The following SUPT20HL2 variants were observed in gnomAD, a reference collection of about 807,000 sequenced individuals.
SUPT20HL2 encodes the protein transcription factor SPT20 homolog-like 2.
For synonymous variants in SUPT20HL2, 125 were observed against 51.6 expected (o/e 2.42, Z -6.10); for missense variants, 288 against 127.4 (o/e 2.26, Z -6.07).
Position 24,311,034 on chromosome X carries a change from T to A in SUPT20HL2, c.2282A>T (p.Gln761Leu), listed in dbSNP as rs1314651470. ...GAGCTGGATCTGCTGTGGCTGTGGTTGTGGCTGCAGCAGCAGCAGCGGCTG... is the reference window on the plus strand; with the variant it reads ...GAGCTGGATCTGCTGTGGCTGTGGTAGTGGCTGCAGCAGCAGCAGCGGCTG... The part of the protein sequence containing the change: ...QPQPLLLLQP[Q>L]PQPQQIQLQT... Residue 761 changes from glutamine to leucine, a missense_variant, in exon 1 of 1, where the codon CAA (glutamine) becomes CTA (leucine). Physicochemically the swap from Gln to Leu is moderately radical, Grantham distance 113. Transcript: ENST00000486479. The A allele has an allele frequency of 7.9e-6, 3 of 380,043 alleles. No individual in the cohort carries two copies. Among genetic ancestry groups the A allele is most frequent in the Non-Finnish European group, 1.6e-5 (3 of 189,635 alleles). The allele number at this position is 380,043 out of a possible 1,213,427, so 31.3% of individuals were successfully genotyped here. A position where few individuals can be genotyped will look rare whatever the true frequency, so the allele number is the denominator to read the frequency against.
Position 24,309,677 on chromosome X carries a change from TAA to T in SUPT20HL2, c.*1183_*1184del, listed in dbSNP as rs1262391597. 5.6e-5 allele frequency among the ~76,000 whole-genome samples: 1 copy of T among 17,919 alleles called. No homozygotes were observed. Among genetic ancestry groups the T allele is most frequent in the Non-Finnish European group, 1.1e-4 (1 of 8,941 alleles). The allele number at this position is 17,919 out of a possible 115,157, so 15.6% of individuals were successfully genotyped here. ...ATGTACCCTAAAACTTAGAGTATAA[TAA>T]AAAAAAAAAAATTAAAAAAAAAAAT... is the stretch of plus-strand genomic sequence containing the variant. On this transcript the variant is annotated 3_prime_UTR_variant, in exon 1 of 1. Transcript: ENST00000486479.
rs376466613 is a variant in SUPT20HL2 at position 24,312,701 on chromosome X, A to T, written c.615T>A (p.Ala205=). 6.9e-4 allele frequency: 264 copies of T among 385,182 alleles called. No individual in the cohort carries two copies. Among genetic ancestry groups the T allele is most frequent in the Non-Finnish European group, 6.3e-4 (121 of 192,350 alleles). 31.7% of individuals were successfully genotyped at this position (385,182 alleles called of 1,213,427 possible). ...PLESQLILAT[A]EPLCLDPSVA... is the part of the protein sequence containing the mutation. ...CAGAAGGATCAAGACACAGTGGTTC[A>T]GCTGTCGCTAAGATCAGTTGACTCT... Residue 205 remains alanine, a synonymous_variant, in exon 1 of 1, where the codon GCT becomes GCA. Coordinates refer to ENST00000486479, the MANE Select transcript of SUPT20HL2 (RefSeq NM_001136233.3).
Position 24,308,415 on chromosome X carries a change from C to A in SUPT20HL2, c.*2447G>T. 3.1e-6 allele frequency: 1 copy of A among 323,766 alleles called. No individual in the cohort carries two copies. The highest frequency in any genetic ancestry group is 6.1e-6 in the Non-Finnish European group (1 of 165,276). 26.7% of individuals were successfully genotyped at this position (323,766 alleles called of 1,213,427 possible). A position where few individuals can be genotyped will look rare whatever the true frequency, so the allele number is the denominator to read the frequency against. Reference sequence around the variant, plus strand: ...GCATAAACTCTTCTCTACAACTGGTCATTGCACTCGTTCGCCTCTTAAAAG... The same window carrying A: ...GCATAAACTCTTCTCTACAACTGGTAATTGCACTCGTTCGCCTCTTAAAAG... On this transcript the variant is annotated 3_prime_UTR_variant, in exon 1 of 1. Transcript: ENST00000486479.
rs941066055 is a variant in SUPT20HL2, at chrX:24,310,153, A to G, written c.*709T>C. Among the ~76,000 whole-genome samples, 4 of 111,844 alleles carry G rather than the reference A, an allele frequency of 3.6e-5. No individual in the cohort carries two copies. The highest frequency in any genetic ancestry group is 1.3e-4 in the African/African-American group (4 of 30,737). ...CACATCACATGAGACAGCAGGGATA[A>G]ATCATGAGGACATTATGCCAAGTGA... On this transcript the variant is annotated 3_prime_UTR_variant, in exon 1 of 1. Transcript: ENST00000486479.
rs1157065397 is a variant in SUPT20HL2, at chrX:24,309,705, T to TAAAAAAAAAAAAA, written c.*1156_*1157insTTTTTTTTTTTTT. 2.8e-4 allele frequency among the ~76,000 whole-genome samples: 5 copies of TAAAAAAAAAAAAA among 18,036 alleles called. No homozygotes were observed. The highest frequency in any genetic ancestry group is 3.6e-4 in the Non-Finnish European group (4 of 11,150). The allele number at this position is 18,036 out of a possible 115,157, so 15.7% of individuals were successfully genotyped here. A position where few individuals can be genotyped will look rare whatever the true frequency, so the allele number is the denominator to read the frequency against. On this transcript the variant is annotated 3_prime_UTR_variant, in exon 1 of 1. Coordinates refer to ENST00000486479, the MANE Select transcript of SUPT20HL2 (RefSeq NM_001136233.3). The stretch of plus-strand genomic sequence containing the variant: ...AAAAAAAAAAATTAAAAAAAAAAAT[T>TAAAAAAAAAAAAA]AAAAAAAAAAAGAAAAAAATAATAA...
chrX:24,308,370 T>C lies in SUPT20HL2; in HGVS notation c.*2492A>G. ...TGGTGACATACTGAATTCAGGTCAC[T>C]GCTTAGCTCCGAAGGCCATGCATAA... On this transcript the variant is annotated 3_prime_UTR_variant, in exon 1 of 1. Coordinates refer to ENST00000486479, the MANE Select transcript of SUPT20HL2 (RefSeq NM_001136233.3). 1 of 368,020 alleles carries C rather than the reference T, an allele frequency of 2.7e-6. No homozygotes were observed. Among genetic ancestry groups the C allele is most frequent in the East Asian group, 7.5e-5 (1 of 13,270 alleles). The allele number at this position is 368,020 out of a possible 1,213,427, so 30.3% of individuals were successfully genotyped here. A position where few individuals can be genotyped will look rare whatever the true frequency, so the allele number is the denominator to read the frequency against.
In SUPT20HL2 at chrX:24,312,746, C is replaced by T. The variant is rs772053329; in HGVS notation, c.570G>A (p.Gln190=). The T allele has an allele frequency of 2.6e-6, 1 of 387,215 alleles. No individual in the cohort carries two copies. The highest frequency in any genetic ancestry group is 2.3e-5 in the South Asian group (1 of 42,819). The allele number at this position is 387,215 out of a possible 1,213,427, so 31.9% of individuals were successfully genotyped here. A position where few individuals can be genotyped will look rare whatever the true frequency, so the allele number is the denominator to read the frequency against. The change falls in exon 1 of 1, where the codon CAG becomes CAA. Residue 190 remains glutamine (Q), a synonymous_variant. Transcript: ENST00000486479. ...GACTCTCAAGAGGAAATTTGTCTTCCTGGCTCCATTTCTCGCCATCTCTTG... is the reference window on the plus strand; with the variant it reads ...GACTCTCAAGAGGAAATTTGTCTTCTTGGCTCCATTTCTCGCCATCTCTTG... ...TMTRDGEKWS[Q]EDKFPLESQL...
rs1939096366 is a variant in SUPT20HL2, at chrX:24,309,705, T to TAAAAAAAAAAG, written c.*1156_*1157insCTTTTTTTTTT. On this transcript the variant is annotated 3_prime_UTR_variant, in exon 1 of 1. Transcript: ENST00000486479. ...AAAAAAAAAAATTAAAAAAAAAAAT[T>TAAAAAAAAAAG]AAAAAAAAAAAGAAAAAAATAATAA... is the stretch of plus-strand genomic sequence containing the variant. Among the ~76,000 whole-genome samples the TAAAAAAAAAAG allele has an allele frequency of 5.5e-5, 1 of 18,039 alleles. No individual in the cohort carries two copies. The highest frequency in any genetic ancestry group is 2.6e-4 in the African/African-American group (1 of 3,790). 15.7% of individuals were successfully genotyped at this position (18,039 alleles called of 115,157 possible).
In SUPT20HL2 at chrX:24,311,659, G is replaced by C. The variant is rs199936242; in HGVS notation, c.1657C>G (p.Arg553Gly). 6.3e-4 allele frequency: 242 copies of C among 383,384 alleles called. 1 individual carries two copies. The highest frequency in any genetic ancestry group is 1.1e-3 in the Non-Finnish European group (209 of 190,939). The allele number at this position is 383,384 out of a possible 1,213,427, so 31.6% of individuals were successfully genotyped here. A position where few individuals can be genotyped will look rare whatever the true frequency, so the allele number is the denominator to read the frequency against. The change falls in exon 1 of 1, where the codon CGC becomes GGC. Residue 553 changes from arginine (R) to glycine (G), a missense_variant. By Grantham distance (125) the Arg-to-Gly change is moderately radical. Coordinates refer to ENST00000486479, the MANE Select transcript of SUPT20HL2 (RefSeq NM_001136233.3). ...GCTATTTTTACGAATCTGGTGGGGC[G>C]CCCGGCAGCTGGACGGCGCCTGCTA... Reference protein sequence around the residue: ...KASRRRPAAGRPTRFVKIAPA... With the variant: ...KASRRRPAAGGPTRFVKIAPA...
In SUPT20HL2 at chrX:24,312,719, T is replaced by C. The variant is rs866896684; in HGVS notation, c.597A>G (p.Gln199=). The stretch of plus-strand genomic sequence containing the variant: ...GTGGTTCAGCTGTCGCTAAGATCAG[T>C]TGACTCTCAAGAGGAAATTTGTCTT... ...SQEDKFPLES[Q]LILATAEPLC... Residue 199 remains glutamine (Q), a synonymous_variant, in exon 1 of 1, where the codon CAA becomes CAG. Coordinates refer to ENST00000486479, the MANE Select transcript of SUPT20HL2 (RefSeq NM_001136233.3). The C allele has an allele frequency of 3.1e-5, 12 of 385,191 alleles. No homozygotes were observed. The highest frequency in any genetic ancestry group is 4.3e-4 in the Middle Eastern group (1 of 2,351). 31.7% of individuals were successfully genotyped at this position (385,191 alleles called of 1,213,427 possible).
chrX:24,309,745 AG>A lies in SUPT20HL2; in HGVS notation c.*1116del, dbSNP rs1569195705. On this transcript the variant is annotated 3_prime_UTR_variant, in exon 1 of 1. Transcript: ENST00000486479. Reference sequence around the variant, plus strand: ...AAAAATAATAAAAATAAAAAAAAAAAGAAAAAAAAAAAAAAAAAAAAAAACA... The same window carrying A: ...AAAAATAATAAAAATAAAAAAAAAAAAAAAAAAAAAAAAAAAAAAAAAACA... Among the ~76,000 whole-genome samples, 151 of 49,205 alleles carry A rather than the reference AG, an allele frequency of 3.1e-3. No homozygotes were observed. Among genetic ancestry groups the A allele is most frequent in the Non-Finnish European group, 4.1e-3 (114 of 27,925 alleles). The allele number at this position is 49,205 out of a possible 115,157, so 42.7% of individuals were successfully genotyped here. A position where few individuals can be genotyped will look rare whatever the true frequency, so the allele number is the denominator to read the frequency against.
In SUPT20HL2 at chrX:24,310,805, G is replaced by C; in HGVS notation, c.*57C>G. The C allele has an allele frequency of 3.4e-6, 1 of 296,726 alleles. No individual in the cohort carries two copies. The highest frequency in any genetic ancestry group is 8.6e-5 in the East Asian group (1 of 11,648). The allele number at this position is 296,726 out of a possible 1,213,427, so 24.5% of individuals were successfully genotyped here. On this transcript the variant is annotated 3_prime_UTR_variant, in exon 1 of 1. Coordinates refer to ENST00000486479, the MANE Select transcript of SUPT20HL2 (RefSeq NM_001136233.3). ...AAAACAAAACTCAAGTAAAAACTGG[G>C]AATTCATGTGGGTCAGTGCTCCCAT...
rs1452344886 is a variant in SUPT20HL2 at position 24,309,600 on chromosome X, C to T, written c.*1262G>A. 1.1e-5 allele frequency among the ~76,000 whole-genome samples: 1 copy of T among 94,359 alleles called. No homozygotes were observed. The highest frequency in any genetic ancestry group is 1.2e-4 in the Admixed American group (1 of 8,419). The allele number at this position is 94,359 out of a possible 115,157, so 81.9% of individuals were successfully genotyped here. A position where few individuals can be genotyped will look rare whatever the true frequency, so the allele number is the denominator to read the frequency against. ...CTAGATGACACGTTAGTGGGTGCAG[C>T]GCACCAGCATGGCACATGTATACAT... On this transcript the variant is annotated 3_prime_UTR_variant, in exon 1 of 1. Transcript: ENST00000486479.
chrX:24,312,826 G>A lies in SUPT20HL2; in HGVS notation c.490C>T (p.His164Tyr). The A allele has an allele frequency of 2.6e-6, 1 of 386,476 alleles. No individual in the cohort carries two copies. The highest frequency in any genetic ancestry group is 5.2e-6 in the Non-Finnish European group (1 of 192,486). The allele number at this position is 386,476 out of a possible 1,213,427, so 31.8% of individuals were successfully genotyped here. A position where few individuals can be genotyped will look rare whatever the true frequency, so the allele number is the denominator to read the frequency against. Reference protein sequence around the residue: ...NMQPPGYQSRHILLRPTMQTL... With the variant: ...NMQPPGYQSRYILLRPTMQTL... ...TGCATGGTTGGACGTAGAAGAATAT[G>A]CCTGCTTTGGTAACCAGGAGGTTGC... Residue 164 changes from histidine to tyrosine, a missense_variant, in exon 1 of 1, where the codon CAT becomes TAT. His to Tyr is a moderately conservative substitution (Grantham distance 83). Coordinates refer to ENST00000486479, the MANE Select transcript of SUPT20HL2 (RefSeq NM_001136233.3).
rs1157065397 is a variant in SUPT20HL2, at chrX:24,309,705, T to TAAAAAAAAAAAAAAAAAAAAA, written c.*1156_*1157insTTTTTTTTTTTTTTTTTTTTT. Among the ~76,000 whole-genome samples, 2 of 18,039 alleles carry TAAAAAAAAAAAAAAAAAAAAA rather than the reference T, an allele frequency of 1.1e-4. No individual in the cohort carries two copies. The highest frequency in any genetic ancestry group is 1.8e-4 in the Non-Finnish European group (2 of 11,157). 15.7% of individuals were successfully genotyped at this position (18,039 alleles called of 115,157 possible). A position where few individuals can be genotyped will look rare whatever the true frequency, so the allele number is the denominator to read the frequency against. Reference sequence around the variant, plus strand: ...AAAAAAAAAAATTAAAAAAAAAAATTAAAAAAAAAAAGAAAAAAATAATAA... The same window carrying TAAAAAAAAAAAAAAAAAAAAA: ...AAAAAAAAAAATTAAAAAAAAAAATTAAAAAAAAAAAAAAAAAAAAAAAAAAAAAAAAGAAAAAAATAATAA... On this transcript the variant is annotated 3_prime_UTR_variant, in exon 1 of 1. Transcript: ENST00000486479.
At position 24,313,817 on chromosome X, in the gene SUPT20HL2, A is replaced by G. The variant is rs750206634; in HGVS notation, c.-502T>C. 5.6e-6 allele frequency: 2 copies of G among 357,981 alleles called. No homozygotes were observed. The highest frequency in any genetic ancestry group is 5.3e-6 in the Non-Finnish European group (1 of 187,118). 29.5% of individuals were successfully genotyped at this position (357,981 alleles called of 1,213,427 possible). A position where few individuals can be genotyped will look rare whatever the true frequency, so the allele number is the denominator to read the frequency against. ...CCTGCCCCCAGGGAAGCGCTACCCAATCTGTTTGAGGGTTTCTGAAAACAT... is the reference window on the plus strand; with the variant it reads ...CCTGCCCCCAGGGAAGCGCTACCCAGTCTGTTTGAGGGTTTCTGAAAACAT... On this transcript the variant is annotated 5_prime_UTR_variant, in exon 1 of 1. Coordinates refer to ENST00000486479, the MANE Select transcript of SUPT20HL2 (RefSeq NM_001136233.3).
Position 24,309,728 on chromosome X carries a change from T to TAAAAAA in SUPT20HL2, c.*1133_*1134insTTTTTT, listed in dbSNP as rs1939098610. ...ATTAAAAAAAAAAAGAAAAAAATAA[T>TAAAAAA]AAAAATAAAAAAAAAAAGAAAAAAA... On this transcript the variant is annotated 3_prime_UTR_variant, in exon 1 of 1. Transcript: ENST00000486479. Among the ~76,000 whole-genome samples the TAAAAAA allele has an allele frequency of 2.1e-3, 27 of 12,765 alleles. 1 individual carries two copies. The highest frequency in any genetic ancestry group is 4.5e-3 in the African/African-American group (8 of 1,794). The allele number at this position is 12,765 out of a possible 115,157, so 11.1% of individuals were successfully genotyped here.
Position 24,311,673 on chromosome X carries a change from C to T in SUPT20HL2, c.1643G>A (p.Arg548His), listed in dbSNP as rs1338283223. 5.2e-6 allele frequency: 2 copies of T among 383,417 alleles called. No individual in the cohort carries two copies. Among genetic ancestry groups the T allele is most frequent in the Middle Eastern group, 4.3e-4 (1 of 2,320 alleles). 31.6% of individuals were successfully genotyped at this position (383,417 alleles called of 1,213,427 possible). A position where few individuals can be genotyped will look rare whatever the true frequency, so the allele number is the denominator to read the frequency against. The change falls in exon 1 of 1, where the codon CGT (arginine) becomes CAT (histidine). Residue 548 changes from arginine (R) to histidine (H), a missense_variant. By Grantham distance (29) the Arg-to-His change is conservative. Coordinates refer to ENST00000486479, the MANE Select transcript of SUPT20HL2 (RefSeq NM_001136233.3). ...TCTGGTGGGGCGCCCGGCAGCTGGA[C>T]GGCGCCTGCTAGCTTTAATAAGAGG... ...SVPLIKASRR[R>H]PAAGRPTRFV... is the part of the protein sequence containing the mutation.
rs188108390 is a variant in SUPT20HL2 at position 24,310,468 on chromosome X, G to A, written c.*394C>T. Among the ~76,000 whole-genome samples, 36 of 111,982 alleles carry A rather than the reference G, an allele frequency of 3.2e-4. No individual in the cohort carries two copies. Among genetic ancestry groups the A allele is most frequent in the African/African-American group, 9.4e-4 (29 of 30,850 alleles). On this transcript the variant is annotated 3_prime_UTR_variant, in exon 1 of 1. Transcript: ENST00000486479. ...ATCACCATTAAAAATTTTAAATTGC[G>A]CTCTTCTTGTTAAAATATTAACTTA...
Sources: gnomAD v4.1 joint callset for allele counts (sites outside exome capture counted in the v4.1 genomes callset) on GRCh38, gnomAD v4.1.1 for gene constraint, MANE v1.5 for transcripts, NCBI Gene and HGNC (gene_info 2026-07-23, HGNC 2026-07-21) for gene names.